DCDC2C: variants seen among roughly 807,000 people sequenced by gnomAD.
The protein encoded by DCDC2C is doublecortin domain-containing protein 2C.
DCDC2C carries 44 observed loss-of-function variants against 45.0 expected under a neutral mutation model. The observed-to-expected ratio is 0.98, with a 90% CI of 0.77 to 1.26. The LOEUF (loss-of-function observed/expected upper bound fraction) is 1.26. Among genes scored for constraint, DCDC2C ranks in the 50% most tolerant of loss-of-function variants. DCDC2C has a pLI of 0.00. For synonymous variants in DCDC2C, 187 were observed against 178.8 expected, an observed-to-expected ratio of 1.05 and a Z score of -0.37; for missense variants, 447 against 468.9, an observed-to-expected ratio of 0.95 and a Z score of 0.43.
intron 2 of DCDC2C, among the ~76,000 whole-genome samples, chr2:3,711,051 A>C (rs1206187452): frequency 6.6e-6 from 1 of 152,226 alleles, no homozygotes; most frequent in East Asian, 1.9e-4. Flanking sequence ...GTGTATAAGC[A>C]TTCCCTTTTC....
chr2:3,756,451 T>G (rs1669719192), intron 6 of DCDC2C, among the ~76,000 whole-genome samples: 1 of 152,200 alleles, frequency 6.6e-6, no homozygotes, highest in South Asian at 2.1e-4. Context: ...TGGGCTTTGC[T>G]TTTCTGCTGT....
At chr2:3,768,865 C>CA (rs1362957879) in intron 7 of DCDC2C, among the ~76,000 whole-genome samples, 1 of 152,228 alleles carries the variant, frequency 6.6e-6, no homozygotes, top group Non-Finnish European at 1.5e-5. Flanking sequence ...TGAGCCACTG[C>CA]ACCTGGCTGA....
chr2:3,751,992 T>C (rs1044709688), intron 4 of DCDC2C, among the ~76,000 whole-genome samples: 9 of 152,128 alleles, frequency 5.9e-5, no homozygotes, highest in African/African-American at 2.2e-4. Flanking sequence ...TCAGTTCCCC[T>C]CCTCGCCCTG....
chr2:3,777,093 C>T (rs12991846), intron 8 of DCDC2C, among the ~76,000 whole-genome samples: 51,156 of 152,038 alleles, frequency 0.34, 8,727 homozygotes, highest in South Asian at 0.45. Context: ...TGCACTGACC[C>T]CCAGCAACTC....
intron 10 of DCDC2C, among the ~76,000 whole-genome samples, chr2:3,787,651 A>T (rs1377640606): frequency 6.6e-6 from 1 of 152,262 alleles, no homozygotes; most frequent in Admixed American, 6.5e-5. Flanking sequence ...TTGTTAAACT[A>T]TAAACAATTT....
intron 10 of DCDC2C, among the ~76,000 whole-genome samples, chr2:3,813,796 C>T (rs1445451316): frequency 1.5e-5 from 2 of 136,798 alleles, no homozygotes; most frequent in Non-Finnish European, 3.1e-5. Flanking sequence ...TTATTTTGAG[C>T]CTATGTGTGT....
At chr2:3,740,182 A>G (rs1021533678) in intron 3 of DCDC2C, among the ~76,000 whole-genome samples, 5 of 152,256 alleles carry the variant, frequency 3.3e-5, no homozygotes, top group Non-Finnish European at 4.4e-5. Context: ...TAACAGCTGT[A>G]TAATTTATGG....
At chr2:3,751,728 A>G (rs757829155) in intron 4 of DCDC2C, among the ~76,000 whole-genome samples, 1 of 151,954 alleles carries the variant, frequency 6.6e-6, no homozygotes, top group Non-Finnish European at 1.5e-5. Flanking sequence ...TTCCTGCCCT[A>G]ATTCATTCCT....
chr2:3,823,951 A>T (rs1379834749), intron 10 of DCDC2C, among the ~76,000 whole-genome samples: 1 of 152,204 alleles, frequency 6.6e-6, no homozygotes, highest in Non-Finnish European at 1.5e-5. Flanking sequence ...GTTGCAACTC[A>T]TCAGCTGTGC....
chr2:3,836,480 G>A (rs1672078343), intron 10 of DCDC2C, among the ~76,000 whole-genome samples: 1 of 152,228 alleles, frequency 6.6e-6, no homozygotes, highest in African/African-American at 2.4e-5. Context: ...AGTATTAACA[G>A]TTAAATAGTA....
At chr2:3,720,064 C>T (rs1280018098) in intron 2 of DCDC2C, among the ~76,000 whole-genome samples, 1 of 152,200 alleles carries the variant, frequency 6.6e-6, no homozygotes. Context: ...GGATGGTGGG[C>T]TCTGTGTTGC....
At chr2:3,771,309 A>G (rs936948377) in intron 8 of DCDC2C, among the ~76,000 whole-genome samples, 1 of 152,184 alleles carries the variant, frequency 6.6e-6, no homozygotes, top group African/African-American at 2.4e-5. Context: ...GTTTCACAAA[A>G]GCTTATGAAA....
intron 10 of DCDC2C, among the ~76,000 whole-genome samples, chr2:3,829,500 CT>C (rs971574581): frequency 2.0e-5 from 3 of 152,060 alleles, no homozygotes; most frequent in Admixed American, 2.0e-4. Flanking sequence ...CCCGACCTGC[CT>C]TTTTGATCAC....
chr2:3,738,438 A>G (rs1669090172), intron 3 of DCDC2C, among the ~76,000 whole-genome samples: 1 of 151,774 alleles, frequency 6.6e-6, no homozygotes, highest in African/African-American at 2.4e-5. Context: ...AAGTGTGAAG[A>G]AAGAGGAGAG....
intron 10 of DCDC2C, among the ~76,000 whole-genome samples, chr2:3,833,487 G>A (rs538812311): frequency 1.6e-4 from 25 of 152,306 alleles, no homozygotes; most frequent in Admixed American, 1.5e-3. Flanking sequence ...TGTGCTGTGT[G>A]CCATATACCA....
intron 6 of DCDC2C, among the ~76,000 whole-genome samples, chr2:3,762,763 C>T (rs1196507467): frequency 2.0e-5 from 3 of 152,230 alleles, no homozygotes; most frequent in Admixed American, 2.0e-4. Flanking sequence ...GGGCGGGGGA[C>T]AAACATCCAA....
chr2:3,735,004 C>T (rs1668981911), intron 3 of DCDC2C, among the ~76,000 whole-genome samples: 1 of 152,130 alleles, frequency 6.6e-6, no homozygotes, highest in African/African-American at 2.4e-5. Context: ...CCACAAGACC[C>T]CCACTTTCTC....
At chr2:3,846,672 A>G (rs1381456930) in intron 10 of DCDC2C, among the ~76,000 whole-genome samples, 1 of 152,306 alleles carries the variant, frequency 6.6e-6, no homozygotes, top group East Asian at 1.9e-4. Flanking sequence ...TTAGTTTTAG[A>G]GTGGTCTTGG....
chr2:3,772,233 A>G (rs918969550), intron 8 of DCDC2C, among the ~76,000 whole-genome samples: 1 of 152,230 alleles, frequency 6.6e-6, no homozygotes, highest in African/African-American at 2.4e-5. Flanking sequence ...CTAACAGCAC[A>G]GCATCCGAGC....
Sources: allele counts gnomAD v4.1 joint callset (sites outside exome capture counted in the v4.1 genomes callset), GRCh38; gene constraint gnomAD v4.1.1; transcripts MANE v1.5; gene names NCBI Gene and HGNC (gene_info 2026-07-23, HGNC 2026-07-21).